Variants in AGO2 observed in about 807,000 individuals in gnomAD.
The protein encoded by AGO2 is protein argonaute-2.
AGO2 carries 5 observed loss-of-function variants against 102.3 expected under a neutral mutation model. That is an observed-to-expected ratio of 0.05 (90% CI 0.03 to 0.10). AGO2 has a LOEUF of 0.10. Among genes scored for constraint, AGO2 ranks in the 10% least tolerant of loss-of-function variants. The pLI, the probability that AGO2 is intolerant of heterozygous loss-of-function variation, is 1.00. For missense variants in AGO2, 541 were observed against 1,183.7 expected, an observed-to-expected ratio of 0.46 and a Z score of 7.97; for synonymous variants, 449 against 473.1, an observed-to-expected ratio of 0.95 and a Z score of 0.66.
intron 2 of AGO2, among the ~76,000 whole-genome samples, chr8:140,584,035 C>T (rs1032518706): frequency 1.3e-5 from 2 of 151,710 alleles, no homozygotes; most frequent in Admixed American, 1.3e-4. Flanking sequence ...TATCTCTATC[C>T]TATTGGTTCT....
Position 140,555,982 on chromosome 8 carries a change from G to A in AGO2, c.1183C>T (p.Arg395Cys), listed in dbSNP as rs369478686. The stretch of plus-strand genomic sequence containing the variant: ...TCTTTGACCATGATTCCAAATTCAC[G>A]GACGTATGGATCTGTGTTGAAACTT... ...SASFNTDPYV[R>C]EFGIMVKDEM... The change falls in exon 10 of 19, where the codon CGT becomes TGT. Residue 395 changes from arginine (R) to cysteine (C), a missense_variant. Physicochemically the swap from Arg to Cys is radical, Grantham distance 180 (BLOSUM62 -3). Coordinates refer to ENST00000220592, the MANE Select transcript of AGO2 (RefSeq NM_012154.5). The A allele has an allele frequency of 2.0e-5, 33 of 1,614,026 alleles. No individual in the cohort carries two copies. The highest frequency in any genetic ancestry group is 2.6e-5 in the Non-Finnish European group (31 of 1,180,040).
chr8:140,531,261 A>G lies in AGO2; in HGVS notation c.*783T>C, dbSNP rs1008895915. Reference sequence around the variant, plus strand: ...TTATCACCACAGACCCGTATTCTTTAAAAACTTTGGAAAATAAATGTCACA... The same window carrying G: ...TTATCACCACAGACCCGTATTCTTTGAAAACTTTGGAAAATAAATGTCACA... On this transcript the variant is annotated 3_prime_UTR_variant, in exon 19 of 19. Coordinates refer to ENST00000220592, the MANE Select transcript of AGO2 (RefSeq NM_012154.5). 1.3e-5 allele frequency: 2 copies of G among 152,684 alleles called. No individual in the cohort carries two copies. Among genetic ancestry groups the G allele is most frequent in the African/African-American group, 4.8e-5 (2 of 41,476 alleles). The allele number at this position is 152,684 out of a possible 1,614,324, so 9.5% of individuals were successfully genotyped here.
chr8:140,552,674 GCACA>G (rs148826477), intron 10 of AGO2, among the ~76,000 whole-genome samples: 3 of 150,192 alleles, frequency 2.0e-5, no homozygotes, highest in Non-Finnish European at 3.0e-5. Context: ...GACAGGGAGT[GCACA>G]CACACACACA....
intron 6 of AGO2, 139 bp downstream of exon 6, chr8:140,559,256 A>T: frequency 9.5e-7 from 1 of 1,053,896 alleles, no homozygotes; most frequent in Non-Finnish European, 1.4e-6. Context: ...TCTCCATGCT[A>T]CCTCATCTGA....
chr8:140,572,966 A>G (rs1302124985), intron 2 of AGO2, 34 bp from the exon 3 acceptor site: 4 of 1,583,608 alleles, frequency 2.5e-6, no homozygotes, highest in Non-Finnish European at 3.4e-6. Context: ...CAAAATGTCA[A>G]TAAAATGGAG....
intron 1 of AGO2, among the ~76,000 whole-genome samples, chr8:140,615,382 A>G (rs1231361178): frequency 6.6e-6 from 1 of 152,162 alleles, no homozygotes; most frequent in Non-Finnish European, 1.5e-5. Context: ...GTCAGCACCC[A>G]CTCCTTGCCC....
chr8:140,562,294 T>G (rs2073214822), intron 4 of AGO2, among the ~76,000 whole-genome samples, 159 bp downstream of exon 4: 1 of 152,258 alleles, frequency 6.6e-6, no homozygotes, highest in South Asian at 2.1e-4. Context: ...TGTTTCCACC[T>G]TAGCACCATT....
intron 1 of AGO2, among the ~76,000 whole-genome samples, chr8:140,628,708 T>G (rs1368521173): frequency 6.6e-6 from 1 of 151,890 alleles, no homozygotes; most frequent in Admixed American, 6.6e-5. Context: ...AGGGCTGCAG[T>G]GAGCCATGAC....
intron 1 of AGO2, among the ~76,000 whole-genome samples, chr8:140,626,288 C>T (rs1190568301): frequency 6.6e-6 from 1 of 152,216 alleles, no homozygotes; most frequent in African/African-American, 2.4e-5. Flanking sequence ...CCGCTGTGGA[C>T]ACCAGACAGA....
At chr8:140,602,621 A>G (rs553434755) in intron 1 of AGO2, among the ~76,000 whole-genome samples, 1 of 152,342 alleles carries the variant, frequency 6.6e-6, no homozygotes, top group African/African-American at 2.4e-5. Context: ...ATTCAATTGC[A>G]TGGAGATTCA....
chr8:140,616,941 C>A (rs2074148981), intron 1 of AGO2, among the ~76,000 whole-genome samples: 1 of 152,248 alleles, frequency 6.6e-6, no homozygotes, highest in Non-Finnish European at 1.5e-5. Context: ...GGCAGCCTGT[C>A]CATCCCTGGC....
intron 1 of AGO2, among the ~76,000 whole-genome samples, chr8:140,619,660 C>T (rs975332382): frequency 2.6e-5 from 4 of 152,216 alleles, no homozygotes; most frequent in Non-Finnish European, 5.9e-5. Context: ...AAGAGCCACA[C>T]ACATGAGGGC....
At chr8:140,624,531 G>A (rs1315730224) in intron 1 of AGO2, among the ~76,000 whole-genome samples, 4 of 152,230 alleles carry the variant, frequency 2.6e-5, no homozygotes, top group Non-Finnish European at 4.4e-5. Flanking sequence ...ACACCCAGGA[G>A]ATGCAGCTGC....
chr8:140,594,229 G>A (rs899570617), intron 1 of AGO2, among the ~76,000 whole-genome samples: 4 of 152,030 alleles, frequency 2.6e-5, no homozygotes, highest in African/African-American at 9.7e-5. Context: ...TAAGGGGACA[G>A]GAGAGAAATA....
At chr8:140,532,691 T>A in intron 17 of AGO2, 76 bp from the exon 18 acceptor site, 2 of 1,448,120 alleles carry the variant, frequency 1.4e-6, no homozygotes, top group Non-Finnish European at 1.9e-6. Context: ...AGATTTATAT[T>A]TGTATTATTA....
At chr8:140,636,137 A>G (rs2074406642), upstream of AGO2, 1 of 151,384 alleles carries the variant, frequency 6.6e-6, no homozygotes, top group Non-Finnish European at 1.5e-5. Flanking sequence ...AAGTTACTAC[A>G]GAAACACGGA....
chr8:140,557,047 C>G lies in AGO2; in HGVS notation c.1026+42G>C. The G allele has an allele frequency of 6.3e-7, 1 of 1,580,344 alleles. No individual in the cohort carries two copies. Among genetic ancestry groups the G allele is most frequent in the Non-Finnish European group, 8.6e-7 (1 of 1,160,874 alleles). ...TGCATGCCCCAGCCTGGGACGCCGC[C>G]CTCCCAAGCCCCCAGAGACACACAG... On this transcript the variant is annotated intron_variant, in intron 8 of 18. Transcript: ENST00000220592. The surrounding 1 kb of genome is among the most constrained non-coding windows in gnomAD (Gnocchi z 5.9).
At chr8:140,559,347 G>C in intron 6 of AGO2, 48 bp downstream of exon 6, 1 of 1,602,092 alleles carries the variant, frequency 6.2e-7, no homozygotes, top group African/African-American at 1.3e-5. Flanking sequence ...GGCGGACCGG[G>C]AAGGGGCCTC....
rs569784918 is a variant in AGO2, at chr8:140,597,186, C to T, written c.23-11875G>A. 7.9e-5 allele frequency among the ~76,000 whole-genome samples: 12 copies of T among 152,348 alleles called. No homozygotes were observed. The East Asian group carries it at 1.2e-3, about 15-fold the overall frequency. On this transcript the variant is annotated intron_variant, in intron 1 of 18. Coordinates refer to ENST00000220592, the MANE Select transcript of AGO2 (RefSeq NM_012154.5). ...CACTGTGTCCCAGCTCTGGCAGGGA[C>T]GTTCCCTCCCTCTTCACACTTGCTG...
Sources: allele counts gnomAD v4.1 joint callset (sites outside exome capture counted in the v4.1 genomes callset), GRCh38; gene constraint gnomAD v4.1.1; non-coding constraint Gnocchi (gnomAD v3.1); transcripts MANE v1.5; gene names NCBI Gene and HGNC (gene_info 2026-07-23, HGNC 2026-07-21).